The following ELP4 variants were observed in gnomAD, a reference collection of about 807,000 sequenced individuals.
The protein encoded by ELP4 is elongator complex protein 4.
A neutral mutation model predicts 48.9 loss-of-function variants in ELP4; 51 were observed. The observed-to-expected ratio is 1.04, with a 90% CI of 0.83 to 1.32. The LOEUF (loss-of-function observed/expected upper bound fraction) is 1.32. Ranked by LOEUF, ELP4 falls within the 40% of genes most tolerant of loss-of-function variation. The probability of loss-of-function intolerance (pLI) is 0.00; values close to 1 mark genes in which losing one functional copy is unlikely to be tolerated. For synonymous variants in ELP4, 210 were observed against 189.2 expected (o/e 1.11, Z -0.90); for missense variants, 519 against 514.6 (o/e 1.01, Z -0.08).
At chr11:31,728,992 T>A (rs1457275450) in intron 9 of ELP4, among the ~76,000 whole-genome samples, 1 of 152,166 alleles carries the variant, frequency 6.6e-6, no homozygotes, top group East Asian at 1.9e-4. Flanking sequence ...TAGAATAAAT[T>A]CATTTATATT....
intron 3 of ELP4, among the ~76,000 whole-genome samples, chr11:31,577,821 A>C (rs1451745929): frequency 6.6e-6 from 1 of 152,178 alleles, no homozygotes; most frequent in Non-Finnish European, 1.5e-5. Context: ...ATTTATGACA[A>C]ACCCACAGCC....
intron 9 of ELP4, among the ~76,000 whole-genome samples, chr11:31,696,615 G>A (rs1194705501): frequency 6.6e-6 from 1 of 152,122 alleles, no homozygotes; most frequent in East Asian, 1.9e-4. Context: ...GAATAAGTGT[G>A]ATGTGGTGCT....
At chr11:31,738,232 C>CA (rs57817538) in intron 9 of ELP4, among the ~76,000 whole-genome samples, 4,311 of 52,902 alleles carry the variant, frequency 0.081, 206 homozygotes, top group African/African-American at 0.18. Flanking sequence ...CCATCTCTAC[C>CA]AAAAAAAAAA....
Position 31,787,351 on chromosome 11 carries a change from T to C in ELP4, c.*3827T>C, listed in dbSNP as rs771263641. ...CTCCCACGTCACTCCTTTTCTCCCA[T>C]TCCCACCTCTTGCACCTGGCGTGCG... On this transcript the variant is annotated 3_prime_UTR_variant, in exon 10 of 10. Coordinates refer to ENST00000640961, the MANE Select transcript of ELP4 (RefSeq NM_019040.5). The C allele has an allele frequency of 2.1e-5, 5 of 233,184 alleles. No homozygotes were observed. The highest frequency in any genetic ancestry group is 4.2e-5 in the Non-Finnish European group (5 of 118,108). 14.4% of individuals were successfully genotyped at this position (233,184 alleles called of 1,614,324 possible).
At chr11:31,726,366 T>A (rs749375052) in intron 9 of ELP4, among the ~76,000 whole-genome samples, 22 of 152,104 alleles carry the variant, frequency 1.4e-4, no homozygotes, top group Non-Finnish European at 2.4e-4. Flanking sequence ...GGAACTGGTA[T>A]TATAGCAATT....
intron 9 of ELP4, among the ~76,000 whole-genome samples, chr11:31,670,782 T>C (rs1945791402): frequency 1.3e-5 from 2 of 152,034 alleles, no homozygotes; most frequent in Admixed American, 1.3e-4. Flanking sequence ...TTTAGAAAAG[T>C]ATAATTATTT....
chr11:31,598,617 C>G (rs1424354739), intron 4 of ELP4, among the ~76,000 whole-genome samples: 1 of 144,176 alleles, frequency 6.9e-6, no homozygotes, highest in Middle Eastern at 3.8e-3. Flanking sequence ...AGGTGACCTT[C>G]CCACCTCAGC....
In ELP4 at chr11:31,627,112, C is replaced by T. The variant is rs768070743; in HGVS notation, c.656C>T (p.Ser219Phe). 2 of 1,603,326 alleles carry T rather than the reference C, an allele frequency of 1.2e-6. No homozygotes were observed. Among genetic ancestry groups the T allele is most frequent in the Non-Finnish European group, 8.5e-7 (1 of 1,172,320 alleles). The change falls in exon 6 of 10, where the codon TCT becomes TTT. Residue 219 changes from serine (S) to phenylalanine (F), a missense_variant and splice_region_variant. Physicochemically the swap from Ser to Phe is radical, Grantham distance 155. Transcript: ENST00000640961. ...TGAACCACTTCTTTTACCAACAGTTCTTTGACCCCTGGCTACACAAAGCTG... is the reference window on the plus strand; with the variant it reads ...TGAACCACTTCTTTTACCAACAGTTTTTTGACCCCTGGCTACACAAAGCTG... ...ISSTLKVEPC[S>F]LTPGYTKLLQ...
At chr11:31,746,056 C>T (rs532471685) in intron 9 of ELP4, among the ~76,000 whole-genome samples, 1 of 151,742 alleles carries the variant, frequency 6.6e-6, no homozygotes, top group East Asian at 1.9e-4. Context: ...AAAAAAACAA[C>T]CTCATCAAAA....
chr11:31,523,791 A>G (rs1419791701), intron 2 of ELP4, among the ~76,000 whole-genome samples: 3 of 152,174 alleles, frequency 2.0e-5, no homozygotes, highest in African/African-American at 4.8e-5. Flanking sequence ...AAAATGTTTA[A>G]TGCTTAAGTA....
At chr11:31,662,155 A>C (rs530318685) in intron 9 of ELP4, among the ~76,000 whole-genome samples, 15 of 152,172 alleles carry the variant, frequency 9.9e-5, no homozygotes, top group Admixed American at 7.2e-4. Flanking sequence ...TTATAACTGA[A>C]TGCATTTCAT....
intron 2 of ELP4, among the ~76,000 whole-genome samples, chr11:31,538,918 T>A (rs1397082835): frequency 6.6e-6 from 1 of 152,152 alleles, no homozygotes; most frequent in African/African-American, 2.4e-5. Flanking sequence ...TAAAATTTGA[T>A]AATGATGTGT....
At chr11:31,527,896 C>G (rs1235609529) in intron 2 of ELP4, among the ~76,000 whole-genome samples, 1 of 152,046 alleles carries the variant, frequency 6.6e-6, no homozygotes, top group Non-Finnish European at 1.5e-5. Context: ...TTAGCCTTCT[C>G]TCTTCTCATC....
chr11:31,620,377 C>T (rs1434226765), intron 5 of ELP4, among the ~76,000 whole-genome samples: 1 of 151,892 alleles, frequency 6.6e-6, no homozygotes, highest in Admixed American at 6.6e-5. Context: ...GTGTGGTAGA[C>T]AATGATATAG....
intron 9 of ELP4, among the ~76,000 whole-genome samples, chr11:31,712,811 T>G (rs1373032429): frequency 6.6e-6 from 1 of 152,172 alleles, no homozygotes; most frequent in African/African-American, 2.4e-5. Context: ...CTGATTAAGA[T>G]GTAAATTCTT....
chr11:31,760,563 A>G (rs1177824016), intron 9 of ELP4, among the ~76,000 whole-genome samples: 1 of 152,184 alleles, frequency 6.6e-6, no homozygotes, highest in Admixed American at 6.5e-5. Flanking sequence ...TTTGTATTTC[A>G]AAAGATCTTT....
At chr11:31,749,386 A>G (rs1030705849) in intron 9 of ELP4, among the ~76,000 whole-genome samples, 1 of 152,212 alleles carries the variant, frequency 6.6e-6, no homozygotes, top group Non-Finnish European at 1.5e-5. Flanking sequence ...AGTTATAGAG[A>G]GTACGGAAAA....
At chr11:31,709,397 T>TAGGC (rs1259267505) in intron 9 of ELP4, among the ~76,000 whole-genome samples, 1 of 152,024 alleles carries the variant, frequency 6.6e-6, no homozygotes, top group East Asian at 1.9e-4. Context: ...GTGTAATACT[T>TAGGC]ACCGAATGAC....
intron 2 of ELP4, among the ~76,000 whole-genome samples, chr11:31,535,554 A>C: frequency 6.6e-6 from 1 of 152,140 alleles, no homozygotes; most frequent in Admixed American, 6.5e-5. Flanking sequence ...TGTATTGCTC[A>C]GGCTTGTCTC....
Sources: gnomAD v4.1 joint callset for allele counts (sites outside exome capture counted in the v4.1 genomes callset) on GRCh38, gnomAD v4.1.1 for gene constraint, MANE v1.5 for transcripts, NCBI Gene and HGNC (gene_info 2026-07-23, HGNC 2026-07-21) for gene names.